The following EN1 variants were observed in gnomAD, a reference collection of about 807,000 sequenced individuals.
The protein encoded by EN1 is engrailed homeobox 1.
EN1 carries 8 observed loss-of-function variants against 22.9 expected under a neutral mutation model. That is an observed-to-expected ratio of 0.35 (90% CI 0.20 to 0.63). EN1 has a LOEUF of 0.63. Ranked by LOEUF, EN1 falls within the 20% of genes least tolerant of loss-of-function variation. The pLI is 0.73. For missense variants in EN1, 521 were observed against 572.1 expected, an observed-to-expected ratio of 0.91 and a Z score of 0.91; for synonymous variants, 287 against 262.5, an observed-to-expected ratio of 1.09 and a Z score of -0.90.
rs1365823426 is a variant in EN1, at chr2:118,842,797, A to T, written c.*141T>A. 2.2e-6 allele frequency: 3 copies of T among 1,349,616 alleles called. No individual in the cohort carries two copies. The highest frequency in any genetic ancestry group is 2.9e-6 in the Non-Finnish European group (3 of 1,023,170). The allele number at this position is 1,349,616 out of a possible 1,614,324, so 83.6% of individuals were successfully genotyped here. A position where few individuals can be genotyped will look rare whatever the true frequency, so the allele number is the denominator to read the frequency against. On this transcript the variant is annotated 3_prime_UTR_variant, in exon 2 of 2. Coordinates refer to ENST00000295206, the MANE Select transcript of EN1 (RefSeq NM_001426.4). ...CGTTTCAACGTCATTGTCCATTCTG[A>T]GGCTCTCTTTCTGTCTCTCTCGCTC...
chr2:118,842,769 C>G lies in EN1; in HGVS notation c.*169G>C, dbSNP rs571324706. On this transcript the variant is annotated 3_prime_UTR_variant, in exon 2 of 2. Transcript: ENST00000295206. Reference sequence around the variant, plus strand: ...GAGTCTTTCTCCCTTTTCAAAAATGCTGCGTTTCAACGTCATTGTCCATTC... The same window carrying G: ...GAGTCTTTCTCCCTTTTCAAAAATGGTGCGTTTCAACGTCATTGTCCATTC... 3.3e-4 allele frequency: 391 copies of G among 1,183,966 alleles called. No individual in the cohort carries two copies. The highest frequency in any genetic ancestry group is 4.2e-4 in the Non-Finnish European group (366 of 876,574). 73.3% of individuals were successfully genotyped at this position (1,183,966 alleles called of 1,614,324 possible). A position where few individuals can be genotyped will look rare whatever the true frequency, so the allele number is the denominator to read the frequency against.
intron 1 of EN1, among the ~76,000 whole-genome samples, chr2:118,845,288 G>C (rs1039063386): frequency 6.6e-6 from 1 of 152,190 alleles, no homozygotes; most frequent in Non-Finnish European, 1.5e-5. Flanking sequence ...TGCCGGACCG[G>C]GTGTCTGGAG....
Position 118,842,717 on chromosome 2 carries a change from G to T in EN1, c.*221C>A, listed in dbSNP as rs1462351851. The T allele has an allele frequency of 1.7e-5, 14 of 812,212 alleles. 1 individual carries two copies. Among genetic ancestry groups the T allele is most frequent in the Non-Finnish European group, 2.6e-5 (14 of 547,434 alleles). The allele number at this position is 812,212 out of a possible 1,614,324, so 50.3% of individuals were successfully genotyped here. A position where few individuals can be genotyped will look rare whatever the true frequency, so the allele number is the denominator to read the frequency against. ...TCCCTTATACTGGGAATAGAGAATGGATCTTATTTTTCGATAGCACCTGTC... is the reference window on the plus strand; with the variant it reads ...TCCCTTATACTGGGAATAGAGAATGTATCTTATTTTTCGATAGCACCTGTC... On this transcript the variant is annotated 3_prime_UTR_variant, in exon 2 of 2. Transcript: ENST00000295206.
At chr2:118,845,829 G>A (rs1306200842) in intron 1 of EN1, among the ~76,000 whole-genome samples, 1 of 152,116 alleles carries the variant, frequency 6.6e-6, no homozygotes, top group Non-Finnish European at 1.5e-5. Flanking sequence ...AGAAAATATC[G>A]AGATGGTGTT....
Position 118,847,037 on chromosome 2 carries a change from T to C in EN1, c.131A>G (p.Asp44Gly). ...GASGSSGSGS[D>G]GDSVPVSPQP... ...CGGGGACACCGGCACGCTGTCTCCA[T>C]CGCTGCCGCTGCCGCTGCTGCCGCT... The change falls in exon 1 of 2, where the codon GAT (aspartate) becomes GGT (glycine). Residue 44 changes from aspartate to glycine, a missense_variant. Asp to Gly is a moderately conservative substitution (Grantham distance 94). This residue lies in a region of EN1 where 436 missense variants were observed against 410.1 expected (regional missense o/e 1.06). Transcript: ENST00000295206. 1 of 1,413,302 alleles carries C rather than the reference T, an allele frequency of 7.1e-7. No individual in the cohort carries two copies. Among genetic ancestry groups the C allele is most frequent in the Non-Finnish European group, 9.2e-7 (1 of 1,086,406 alleles). 87.5% of individuals were successfully genotyped at this position (1,413,302 alleles called of 1,614,324 possible). A position where few individuals can be genotyped will look rare whatever the true frequency, so the allele number is the denominator to read the frequency against.
chr2:118,846,544 TGCCGCCGCGGCC>T lies in EN1; in HGVS notation c.612_623del (p.Ala205_Ala208del), dbSNP rs895156073. On this transcript the variant is annotated inframe_deletion, in exon 1 of 2. Coordinates refer to ENST00000295206, the MANE Select transcript of EN1 (RefSeq NM_001426.4). This position sits in a 1 kb window ranked among gnomAD's most constrained non-coding sequence, Gnocchi z 5.0. The stretch of plus-strand genomic sequence containing the variant: ...CTGCGGCCGCCGCCGCCGCCGCCAC[TGCCGCCGCGGCC>T]GCCGCCGCCGCCGCAGCCGGGTTCC... 13 of 1,189,510 alleles carry T rather than the reference TGCCGCCGCGGCC, an allele frequency of 1.1e-5. No homozygotes were observed. Among genetic ancestry groups the T allele is most frequent in the East Asian group, 7.2e-5 (2 of 27,596 alleles). 73.7% of individuals were successfully genotyped at this position (1,189,510 alleles called of 1,614,324 possible).
chr2:118,846,763 G>A lies in EN1; in HGVS notation c.405C>T (p.Gly135=). ...QLLVAAAARG[G]AGGGGRVERD... Reference sequence around the variant, plus strand: ...GCTCGACCCGGCCTCCTCCTCCTGCGCCTCCTCTGGCCGCCGCAGCCACCA... The same window carrying A: ...GCTCGACCCGGCCTCCTCCTCCTGCACCTCCTCTGGCCGCCGCAGCCACCA... The change falls in exon 1 of 2, where the codon GGC becomes GGT. Residue 135 remains glycine (G), a synonymous_variant. Coordinates refer to ENST00000295206, the MANE Select transcript of EN1 (RefSeq NM_001426.4). The surrounding 1 kb of genome is among the most constrained non-coding windows in gnomAD (Gnocchi z 5.0). The A allele has an allele frequency of 3.8e-6, 6 of 1,594,480 alleles. No homozygotes were observed. Among genetic ancestry groups the A allele is most frequent in the Non-Finnish European group, 5.1e-6 (6 of 1,177,438 alleles).
At position 118,846,522 on chromosome 2, in the gene EN1, C is replaced by T; in HGVS notation, c.646G>A (p.Ala216Thr). The change falls in exon 1 of 2, where the codon GCA becomes ACA. Residue 216 changes from alanine (A) to threonine (T), a missense_variant. Ala to Thr is a moderately conservative substitution (Grantham distance 58). Around this residue, in one of 3 missense-constraint regions of EN1, gnomAD observed 436 missense variants for 410.1 expected, o/e 1.06. Coordinates refer to ENST00000295206, the MANE Select transcript of EN1 (RefSeq NM_001426.4). This position sits in a 1 kb window ranked among gnomAD's most constrained non-coding sequence, Gnocchi z 5.0. ...CCGGTGTCCGAGGGCTTGGCTGCTG[C>T]GGCCGCCGCCGCCGCCGCCACTGCC... ...AAAVAAAAAAAAAKPSDTGGG... is the reference protein window; with the variant it reads ...AAAVAAAAAATAAKPSDTGGG... 4 of 1,262,318 alleles carry T rather than the reference C, an allele frequency of 3.2e-6. No homozygotes were observed. The highest frequency in any genetic ancestry group is 4.0e-6 in the Non-Finnish European group (4 of 998,592). The allele number at this position is 1,262,318 out of a possible 1,614,324, so 78.2% of individuals were successfully genotyped here.
In EN1 at chr2:118,842,233, C is replaced by T. The variant is rs1466892149; in HGVS notation, c.*705G>A. On this transcript the variant is annotated 3_prime_UTR_variant, in exon 2 of 2. Coordinates refer to ENST00000295206, the MANE Select transcript of EN1 (RefSeq NM_001426.4). ...TTTCTGAACATAATAAAATCTTTGGCTTGTAGCGGCGGTTCAGTCTCGCAG... is the reference window on the plus strand; with the variant it reads ...TTTCTGAACATAATAAAATCTTTGGTTTGTAGCGGCGGTTCAGTCTCGCAG... The T allele has an allele frequency of 6.6e-6, 1 of 152,654 alleles. No individual in the cohort carries two copies. The highest frequency in any genetic ancestry group is 2.4e-5 in the African/African-American group (1 of 41,460). 9.5% of individuals were successfully genotyped at this position (152,654 alleles called of 1,614,324 possible).
At chr2:118,843,328 G>A (rs995999405) in intron 1 of EN1, 74 bp from the exon 2 acceptor site, 2 of 1,216,074 alleles carry the variant, frequency 1.6e-6, no homozygotes, top group African/African-American at 3.0e-5. Context: ...AGAGGGCAAA[G>A]GAAGCCGTGA....
intron 1 of EN1, chr2:118,844,231 T>C (rs575009643): frequency 6.6e-6 from 1 of 152,096 alleles, no homozygotes; most frequent in African/African-American, 2.4e-5. Context: ...CTCTGCCTAC[T>C]GATGACATTT....
chr2:118,843,490 C>T (rs1678224184), intron 1 of EN1, among the ~76,000 whole-genome samples: 1 of 152,138 alleles, frequency 6.6e-6, no homozygotes. Context: ...TTTGGGAGGG[C>T]AAAGGAGCAG....
In EN1 at chr2:118,847,222, G is replaced by A; in HGVS notation, c.-55C>T. On this transcript the variant is annotated 5_prime_UTR_variant, in exon 1 of 2. Coordinates refer to ENST00000295206, the MANE Select transcript of EN1 (RefSeq NM_001426.4). ...CGCCGGCCCCCGCCCCCACCGCCTC[G>A]CTCCCCACCCCACTTTGCCAGCGGC... 3.7e-6 allele frequency: 2 copies of A among 534,352 alleles called. No individual in the cohort carries two copies. The highest frequency in any genetic ancestry group is 6.0e-6 in the Non-Finnish European group (2 of 334,858). The allele number at this position is 534,352 out of a possible 1,614,324, so 33.1% of individuals were successfully genotyped here.
chr2:118,843,672 G>A (rs1241551039), intron 1 of EN1, among the ~76,000 whole-genome samples: 16 of 152,162 alleles, frequency 1.1e-4, no homozygotes, highest in Non-Finnish European at 2.9e-5. Flanking sequence ...GGGGCCTGCT[G>A]TCCTCACCGC....
At position 118,846,257 on chromosome 2, in the gene EN1, C is replaced by G; in HGVS notation, c.862+49G>C. ...AGCGCCGCAGCTTGGCGTTCTGGGG[C>G]GGTCCGCGGGGCCAGAAGGCATGGC... On this transcript the variant is annotated intron_variant, in intron 1 of 1. Coordinates refer to ENST00000295206, the MANE Select transcript of EN1 (RefSeq NM_001426.4). The surrounding 1 kb of genome is among the most constrained non-coding windows in gnomAD (Gnocchi z 5.0). 1 of 1,578,642 alleles carries G rather than the reference C, an allele frequency of 6.3e-7. No individual in the cohort carries two copies.
intron 1 of EN1, among the ~76,000 whole-genome samples, chr2:118,843,584 T>C (rs562834531): frequency 5.3e-5 from 8 of 152,216 alleles, no homozygotes; most frequent in African/African-American, 1.9e-4. Context: ...AATCACAACA[T>C]TTCCAAGCCA....
chr2:118,846,473 GCGCCGCCTCCACTGC>G lies in EN1; in HGVS notation c.680_694del (p.Gly227_Gly231del), dbSNP rs1392517486. On this transcript the variant is annotated inframe_deletion, in exon 1 of 2. Coordinates refer to ENST00000295206, the MANE Select transcript of EN1 (RefSeq NM_001426.4). The surrounding 1 kb of genome is among the most constrained non-coding windows in gnomAD (Gnocchi z 5.0). ...GGTGCCCTGCGCTCCGGGGCTCCCC[GCGCCGCCTCCACTGC>G]CGCCGCCACCGGTGTCCGAGGGCTT... The G allele has an allele frequency of 1.9e-6, 3 of 1,596,942 alleles. No individual in the cohort carries two copies. Among genetic ancestry groups the G allele is most frequent in the African/African-American group, 1.4e-5 (1 of 74,060 alleles).
chr2:118,847,276 G>C lies in EN1; in HGVS notation c.-109C>G, dbSNP rs1678295455. On this transcript the variant is annotated 5_prime_UTR_variant, in exon 1 of 2. Transcript: ENST00000295206. ...TGGGGGTGCGCGGAGGAAGGAGGCA[G>C]GCGAAGCCTCAGCGAAGGCACGGGG... 2.4e-6 allele frequency: 1 copy of C among 421,754 alleles called. No homozygotes were observed. The highest frequency in any genetic ancestry group is 4.1e-6 in the Non-Finnish European group (1 of 243,742). The allele number at this position is 421,754 out of a possible 1,614,324, so 26.1% of individuals were successfully genotyped here.
Position 118,843,055 on chromosome 2 carries a change from C to T in EN1, c.1062G>A (p.Lys354=), listed in dbSNP as rs370237510. ...CTGTGGCTTTCTTGATCTTGGCGCG[C>T]TTGTTCTGGAACCAGATCTTGATCT... The part of the protein sequence containing the change: ...ESQIKIWFQN[K]RAKIKKATGI... The change falls in exon 2 of 2, where the codon AAG becomes AAA. Residue 354 remains lysine (K), a synonymous_variant. Coordinates refer to ENST00000295206, the MANE Select transcript of EN1 (RefSeq NM_001426.4). 54 of 1,614,040 alleles carry T rather than the reference C, an allele frequency of 3.3e-5. No individual in the cohort carries two copies. The highest frequency in any genetic ancestry group is 4.3e-5 in the Non-Finnish European group (51 of 1,180,040).
Sources: allele counts gnomAD v4.1 joint callset (sites outside exome capture counted in the v4.1 genomes callset), GRCh38; gene constraint gnomAD v4.1.1; regional missense constraint gnomAD v4.1.1; non-coding constraint Gnocchi (gnomAD v3.1); transcripts MANE v1.5; gene names NCBI Gene and HGNC (gene_info 2026-07-23, HGNC 2026-07-21).